Variants in STAG1 observed in about 807,000 individuals in gnomAD.
The protein encoded by STAG1 is cohesin subunit SA-1.
A neutral mutation model predicts 170.9 loss-of-function variants in STAG1; 26 were observed. That is an observed-to-expected ratio of 0.15 (90% CI 0.11 to 0.21). The LOEUF is 0.21. STAG1 is among the 10% of genes least tolerant of loss of function. The pLI is 1.00. For synonymous variants in STAG1, 514 were observed against 497.7 expected, an observed-to-expected ratio of 1.03 and a Z score of -0.44; for missense variants, 964 against 1,509.5, an observed-to-expected ratio of 0.64 and a Z score of 5.99.
At chr3:136,473,202 C>G (rs1267866665) in intron 11 of STAG1, among the ~76,000 whole-genome samples, 1 of 152,136 alleles carries the variant, frequency 6.6e-6, no homozygotes, top group Non-Finnish European at 1.5e-5. Flanking sequence ...ATGGGAACAT[C>G]TAGTTGCAGG....
chr3:136,558,254 T>C (rs1238242463), intron 5 of STAG1, among the ~76,000 whole-genome samples: 1 of 152,000 alleles, frequency 6.6e-6, no homozygotes, highest in Non-Finnish European at 1.5e-5. Context: ...TAGCCAGGCG[T>C]GGTGGCACAT....
chr3:136,500,722 ACATTACT>A (rs1314859989), intron 8 of STAG1, among the ~76,000 whole-genome samples: 1 of 152,206 alleles, frequency 6.6e-6, no homozygotes, highest in Non-Finnish European at 1.5e-5. Flanking sequence ...ATGTATCCAA[ACATTACT>A]CTGCATCTCA....
intron 7 of STAG1, among the ~76,000 whole-genome samples, chr3:136,509,693 A>C (rs560143843): frequency 6.6e-6 from 1 of 152,266 alleles, no homozygotes; most frequent in Non-Finnish European, 1.5e-5. Context: ...GAAACACAGA[A>C]GAAAACACTG....
chr3:136,582,002 T>C (rs1285480861), intron 4 of STAG1, among the ~76,000 whole-genome samples: 4 of 152,182 alleles, frequency 2.6e-5, no homozygotes, highest in East Asian at 1.9e-4. Flanking sequence ...CAAGAGTATA[T>C]ATGAGTTAAA....
In STAG1 at chr3:136,345,104, T is replaced by C. The variant is rs1472877677; in HGVS notation, c.3272-1098A>G. On this transcript the variant is annotated intron_variant, in intron 29 of 33. Coordinates refer to ENST00000383202, the MANE Select transcript of STAG1 (RefSeq NM_005862.3). ...AAAATGGTTTATAAATATATATATA[T>C]TTTTTGAGACAGCGTCTCACTCTGT... Among the ~76,000 whole-genome samples, 3 of 152,056 alleles carry C rather than the reference T, an allele frequency of 2.0e-5. No homozygotes were observed. In the East Asian group the frequency reaches 5.8e-4, roughly 29 times the overall value.
At chr3:136,383,811 T>C (rs1446266703) in intron 22 of STAG1, among the ~76,000 whole-genome samples, 1 of 151,676 alleles carries the variant, frequency 6.6e-6, no homozygotes, top group African/African-American at 2.4e-5. Flanking sequence ...AAAAATTAGC[T>C]GAGCGTGGTG....
At chr3:136,440,098 A>G (rs1472245782) in intron 15 of STAG1, among the ~76,000 whole-genome samples, 1 of 152,330 alleles carries the variant, frequency 6.6e-6, no homozygotes, top group African/African-American at 2.4e-5. Flanking sequence ...AGTTAACAAT[A>G]TCAAAGCAGA....
At chr3:136,715,512 T>G (rs1056253076) in intron 1 of STAG1, among the ~76,000 whole-genome samples, 6 of 151,852 alleles carry the variant, frequency 4.0e-5, no homozygotes, top group Non-Finnish European at 7.4e-5. Context: ...GCCAACTACT[T>G]AGGAGGCTGA....
At chr3:136,686,240 C>G (rs1942515938) in intron 1 of STAG1, among the ~76,000 whole-genome samples, 1 of 152,202 alleles carries the variant, frequency 6.6e-6, no homozygotes, top group African/African-American at 2.4e-5. Context: ...CTCCAATTCA[C>G]ATAATCGATT....
intron 19 of STAG1, among the ~76,000 whole-genome samples, chr3:136,421,913 G>A (rs1232849250): frequency 6.6e-6 from 1 of 152,082 alleles, no homozygotes; most frequent in Non-Finnish European, 1.5e-5. Flanking sequence ...CACTTTGGGA[G>A]GCTGAGGTGG....
intron 1 of STAG1, among the ~76,000 whole-genome samples, chr3:136,686,940 A>G (rs187366247): frequency 2.6e-5 from 4 of 152,346 alleles, no homozygotes; most frequent in Non-Finnish European, 5.9e-5. Flanking sequence ...AGACCCAATT[A>G]GTCACAAATT....
intron 1 of STAG1, among the ~76,000 whole-genome samples, chr3:136,747,093 T>TCAAAA (rs1246647616): frequency 1.7e-5 from 1 of 59,340 alleles, no homozygotes; most frequent in African/African-American, 8.3e-5. Flanking sequence ...TGAAACTGTC[T>TCAAAA]AAAAAAAAAA....
At chr3:136,665,191 G>A (rs2107868980) in intron 1 of STAG1, among the ~76,000 whole-genome samples, 1 of 152,302 alleles carries the variant, frequency 6.6e-6, no homozygotes, top group African/African-American at 2.4e-5. Context: ...TGATCTAGAT[G>A]TGAGATTAAG....
rs796345223 is a variant in STAG1, at chr3:136,703,205, C to T, written c.-84+48990G>A. ...CTACAAGAAATCAACTATTCCAGAA[C>T]TCTAAAAGTCTAGTCAAACACTTAT... On this transcript the variant is annotated intron_variant, in intron 1 of 33. Transcript: ENST00000383202. Among the ~76,000 whole-genome samples, 8 of 152,086 alleles carry T rather than the reference C, an allele frequency of 5.3e-5. No homozygotes were observed. In the South Asian group the frequency reaches 1.5e-3, roughly 28 times the overall value.
intron 1 of STAG1, among the ~76,000 whole-genome samples, chr3:136,666,503 C>G (rs931581905): frequency 1.3e-5 from 2 of 152,108 alleles, no homozygotes; most frequent in African/African-American, 4.8e-5. Context: ...AAGTAACTTG[C>G]TAAAGATCAC....
chr3:136,570,324 A>G (rs543241557), intron 4 of STAG1, among the ~76,000 whole-genome samples: 3 of 152,306 alleles, frequency 2.0e-5, no homozygotes, highest in East Asian at 1.9e-4. Context: ...ATTTCTTTCA[A>G]GCAAAGTTGT....
chr3:136,518,424 T>C, intron 7 of STAG1: 1 of 700,006 alleles, frequency 1.4e-6, no homozygotes, highest in South Asian at 1.5e-5. Context: ...TCCTGCAAAG[T>C]GAATAAAAAT....
chr3:136,393,707 T>C (rs2087072554), intron 22 of STAG1, among the ~76,000 whole-genome samples: 1 of 151,152 alleles, frequency 6.6e-6, no homozygotes, highest in African/African-American at 2.4e-5. Flanking sequence ...GCGATTCTCC[T>C]GCCTCAGACT....
intron 4 of STAG1, among the ~76,000 whole-genome samples, chr3:136,578,912 T>A (rs1937535770): frequency 6.6e-6 from 1 of 152,170 alleles, no homozygotes. Flanking sequence ...TTAAGGTCAT[T>A]AAGGTTAAAT....
Sources: allele counts gnomAD v4.1 joint callset (sites outside exome capture counted in the v4.1 genomes callset), GRCh38; gene constraint gnomAD v4.1.1; transcripts MANE v1.5; gene names NCBI Gene and HGNC (gene_info 2026-07-23, HGNC 2026-07-21).